The following NDUFS4 variants were observed in gnomAD, a reference collection of about 807,000 sequenced individuals.
NDUFS4 encodes the protein NADH dehydrogenase [ubiquinone] iron-sulfur protein 4, mitochondrial.
A neutral mutation model predicts 24.3 loss-of-function variants in NDUFS4; 28 were observed. That is an observed-to-expected ratio of 1.15 (90% confidence interval 0.85 to 1.58). The LOEUF (loss-of-function observed/expected upper bound fraction) is 1.58, where lower values mean the gene tolerates loss of function less well. NDUFS4 is among the 40% of genes most tolerant of loss of function. The pLI is 0.00. For missense variants in NDUFS4, 223 were observed against 207.9 expected (o/e 1.07, Z -0.45); for synonymous variants, 93 against 69.7 (o/e 1.34, Z -1.67).
intron 1 of NDUFS4, among the ~76,000 whole-genome samples, chr5:53,588,737 A>T (rs979142120): frequency 6.6e-6 from 1 of 152,208 alleles, no homozygotes; most frequent in Non-Finnish European, 1.5e-5. Flanking sequence ...GAAGTATGCA[A>T]CTTGTACCAA....
chr5:53,644,276 A>C (rs1257380999), intron 2 of NDUFS4, among the ~76,000 whole-genome samples: 3 of 152,158 alleles, frequency 2.0e-5, no homozygotes, highest in Admixed American at 6.6e-5. Context: ...GACATAACTT[A>C]CAGCTCCAGC....
intron 2 of NDUFS4, among the ~76,000 whole-genome samples, chr5:53,619,720 A>G (rs1270647489): frequency 6.6e-6 from 1 of 152,098 alleles, no homozygotes; most frequent in Non-Finnish European, 1.5e-5. Flanking sequence ...TAATGTATTT[A>G]TATGTAAGAC....
At chr5:53,676,710 T>G (rs1740480473) in intron 4 of NDUFS4, among the ~76,000 whole-genome samples, 1 of 152,248 alleles carries the variant, frequency 6.6e-6, no homozygotes, top group Non-Finnish European at 1.5e-5. Flanking sequence ...AGCATTATCC[T>G]GCTTCACCTC....
chr5:53,652,679 A>T (rs1222848022), intron 3 of NDUFS4, among the ~76,000 whole-genome samples: 4 of 152,172 alleles, frequency 2.6e-5, no homozygotes, highest in African/African-American at 9.6e-5. Context: ...TACTATATTT[A>T]CATTTCTTTT....
At position 53,682,522 on chromosome 5, in the gene NDUFS4, A is replaced by ATAGC. The variant is rs1740700140; in HGVS notation, c.425-593_425-592insCTAG. On this transcript the variant is annotated intron_variant, in intron 4 of 4. Coordinates refer to ENST00000296684, the MANE Select transcript of NDUFS4 (RefSeq NM_002495.4). ...TCCCATCTGAGTCCAATTAGTGCAG[A>ATAGC]TAGATAGCCATTGAAATAAATGTTG... 2.6e-5 allele frequency among the ~76,000 whole-genome samples: 4 copies of ATAGC among 151,862 alleles called. No individual in the cohort carries two copies. In the South Asian group the frequency reaches 8.3e-4, roughly 32 times the overall value.
chr5:53,631,842 C>G (rs1223541857), intron 2 of NDUFS4, among the ~76,000 whole-genome samples: 1 of 152,144 alleles, frequency 6.6e-6, no homozygotes, highest in Non-Finnish European at 1.5e-5. Flanking sequence ...CCAAGCCAGG[C>G]ACCGATGGGA....
intron 4 of NDUFS4, among the ~76,000 whole-genome samples, chr5:53,675,703 C>T (rs1305047853): frequency 1.3e-5 from 2 of 152,128 alleles, no homozygotes; most frequent in Non-Finnish European, 2.9e-5. Context: ...AATAGATTAA[C>T]AAACTAGATT....
In NDUFS4 at chr5:53,571,074, T is replaced by C. The variant is rs1424688773; in HGVS notation, c.98+10314T>C. On this transcript the variant is annotated intron_variant, in intron 1 of 4. Transcript: ENST00000296684. ...AATGGCTTTATTTAGCTATAATTTA[T>C]ATATTATAAAATTTACTCATATAAA... Among the ~76,000 whole-genome samples the C allele has an allele frequency of 8.5e-5, 13 of 152,196 alleles. 1 individual carries two copies. Among genetic ancestry groups the C allele is most frequent in the Admixed American group, 8.5e-4 (13 of 15,288 alleles).
chr5:53,641,788 T>C (rs989375571), intron 2 of NDUFS4, among the ~76,000 whole-genome samples: 22 of 152,166 alleles, frequency 1.4e-4, no homozygotes, highest in Non-Finnish European at 7.4e-5. Context: ...TATCTGTGGG[T>C]TAGTTGAAAG....
chr5:53,622,127 A>G (rs1239691952), intron 2 of NDUFS4, among the ~76,000 whole-genome samples: 2 of 152,200 alleles, frequency 1.3e-5, no homozygotes, highest in East Asian at 1.9e-4. Flanking sequence ...TCATGTAGAT[A>G]AAGTTTCCAT....
At chr5:53,589,965 A>T (rs2112440212) in intron 1 of NDUFS4, among the ~76,000 whole-genome samples, 1 of 152,218 alleles carries the variant, frequency 6.6e-6, no homozygotes. Flanking sequence ...TGATGGTGTG[A>T]GTTAATACTT....
intron 3 of NDUFS4, among the ~76,000 whole-genome samples, chr5:53,652,482 T>A (rs1465826266): frequency 1.3e-5 from 2 of 152,164 alleles, no homozygotes; most frequent in Non-Finnish European, 2.9e-5. Context: ...AGGGGAAGGA[T>A]CCTCATTGTG....
At chr5:53,627,050 A>G (rs1751251392) in intron 2 of NDUFS4, among the ~76,000 whole-genome samples, 1 of 152,114 alleles carries the variant, frequency 6.6e-6, no homozygotes, top group Non-Finnish European at 1.5e-5. Flanking sequence ...ATCTTGAGTT[A>G]ACTTTTGTAT....
At chr5:53,589,893 T>C (rs1342236532) in intron 1 of NDUFS4, among the ~76,000 whole-genome samples, 1 of 152,178 alleles carries the variant, frequency 6.6e-6, no homozygotes, top group African/African-American at 2.4e-5. Context: ...GTTCTTCATT[T>C]TTGGGACTCG....
intron 2 of NDUFS4, among the ~76,000 whole-genome samples, chr5:53,629,069 GT>G (rs1751317815): frequency 6.6e-6 from 1 of 152,112 alleles, no homozygotes; most frequent in African/African-American, 2.4e-5. Context: ...AGAGATTCTG[GT>G]ACGTTGTGTC....
At chr5:53,634,373 G>A (rs536550845) in intron 2 of NDUFS4, among the ~76,000 whole-genome samples, 38 of 152,112 alleles carry the variant, frequency 2.5e-4, no homozygotes, top group African/African-American at 8.4e-4. Flanking sequence ...TTGATTTTAG[G>A]AAATTTATGT....
intron 2 of NDUFS4, among the ~76,000 whole-genome samples, chr5:53,622,455 G>C (rs908522332): frequency 1.3e-5 from 2 of 152,056 alleles, no homozygotes; most frequent in Non-Finnish European, 2.9e-5. Context: ...TGGCCACAGA[G>C]AGAGAGAAAA....
At chr5:53,611,072 T>TA (rs1219619624) in intron 2 of NDUFS4, among the ~76,000 whole-genome samples, 1 of 152,104 alleles carries the variant, frequency 6.6e-6, no homozygotes, top group Non-Finnish European at 1.5e-5. Flanking sequence ...TAGGACATCT[T>TA]ACCCAGTAAA....
chr5:53,570,274 T>C (rs1481916972), intron 1 of NDUFS4, among the ~76,000 whole-genome samples: 1 of 152,198 alleles, frequency 6.6e-6, no homozygotes, highest in Non-Finnish European at 1.5e-5. Context: ...ATAAATGTAG[T>C]CATATATAAC....
Sources: allele counts gnomAD v4.1 joint callset (sites outside exome capture counted in the v4.1 genomes callset), GRCh38; gene constraint gnomAD v4.1.1; transcripts MANE v1.5; gene names NCBI Gene and HGNC (gene_info 2026-07-23, HGNC 2026-07-21).